LHFPL3: variants seen among roughly 807,000 people sequenced by gnomAD.
The protein encoded by LHFPL3 is LHFPL tetraspan subfamily member 3 protein.
A neutral mutation model predicts 19.3 loss-of-function variants in LHFPL3; 5 were observed. That is an observed-to-expected ratio of 0.26 (90% CI 0.14 to 0.54). The LOEUF (loss-of-function observed/expected upper bound fraction) is 0.54, where lower values mean the gene tolerates loss of function less well. Among genes scored for constraint, LHFPL3 ranks in the 20% least tolerant of loss-of-function variants. The pLI is 0.94. For synonymous variants in LHFPL3, 133 were observed against 126.2 expected, an observed-to-expected ratio of 1.05 and a Z score of -0.36; for missense variants, 249 against 307.4, an observed-to-expected ratio of 0.81 and a Z score of 1.42.
intron 1 of LHFPL3, among the ~76,000 whole-genome samples, chr7:104,520,901 C>T (rs1269894273): frequency 6.7e-6 from 1 of 150,182 alleles, no homozygotes; most frequent in Admixed American, 6.7e-5. Flanking sequence ...AAAACTAGCT[C>T]CTGGATTCAT....
chr7:104,536,474 G>A (rs1446096608), intron 1 of LHFPL3, among the ~76,000 whole-genome samples: 3 of 152,082 alleles, frequency 2.0e-5, no homozygotes, highest in Non-Finnish European at 2.9e-5. Flanking sequence ...TTTCCCCCAC[G>A]TATGATTTTC....
At chr7:104,441,271 T>C (rs1466149830) in intron 1 of LHFPL3, among the ~76,000 whole-genome samples, 1 of 152,146 alleles carries the variant, frequency 6.6e-6, no homozygotes, top group African/African-American at 2.4e-5. Flanking sequence ...ACATGCCTCA[T>C]ATAAGTGAAA....
intron 1 of LHFPL3, among the ~76,000 whole-genome samples, chr7:104,500,457 A>G (rs1188679326): frequency 6.6e-6 from 1 of 152,248 alleles, no homozygotes; most frequent in East Asian, 1.9e-4. Context: ...AGTGAATTCA[A>G]TGATAAATAG....
chr7:104,700,610 T>A (rs2116172236), intron 1 of LHFPL3, among the ~76,000 whole-genome samples: 1 of 152,324 alleles, frequency 6.6e-6, no homozygotes, highest in Admixed American at 6.5e-5. Flanking sequence ...GCAAATAGGC[T>A]TTTGTGTTGG....
intron 1 of LHFPL3, among the ~76,000 whole-genome samples, chr7:104,351,881 A>T (rs1045578985): frequency 1.3e-5 from 2 of 152,078 alleles, no homozygotes; most frequent in African/African-American, 4.8e-5. Context: ...ATCGAAGCCC[A>T]TCCCTGTTTT....
chr7:104,746,763 T>G (rs770826136), intron 2 of LHFPL3, among the ~76,000 whole-genome samples: 2 of 152,212 alleles, frequency 1.3e-5, no homozygotes, highest in African/African-American at 2.4e-5. Flanking sequence ...TAAAAAGAGA[T>G]AATGCATGTA....
chr7:104,837,598 G>C (rs1044324723), intron 2 of LHFPL3, among the ~76,000 whole-genome samples: 20 of 152,164 alleles, frequency 1.3e-4, no homozygotes, highest in Non-Finnish European at 2.9e-4. Context: ...AGGACACACA[G>C]CTAGAAAGCA....
chr7:104,854,725 G>GA (rs932966767), intron 2 of LHFPL3, among the ~76,000 whole-genome samples: 1 of 151,940 alleles, frequency 6.6e-6, no homozygotes, highest in Non-Finnish European at 1.5e-5. Context: ...GCTTCAGTAT[G>GA]AAAAAAAGGG....
At chr7:104,413,497 T>C (rs1001775515) in intron 1 of LHFPL3, among the ~76,000 whole-genome samples, 1 of 152,214 alleles carries the variant, frequency 6.6e-6, no homozygotes, top group African/African-American at 2.4e-5. Flanking sequence ...TATGGAGAGA[T>C]GCTATTATTA....
intron 2 of LHFPL3, among the ~76,000 whole-genome samples, chr7:104,864,270 G>A (rs1353542992): frequency 3.3e-5 from 5 of 152,160 alleles, no homozygotes; most frequent in Non-Finnish European, 7.4e-5. Flanking sequence ...GTGGGTGCAG[G>A]ACAGTGGGTG....
intron 1 of LHFPL3, among the ~76,000 whole-genome samples, chr7:104,590,005 A>C (rs1337495606): frequency 1.3e-5 from 2 of 151,502 alleles, no homozygotes; most frequent in Non-Finnish European, 2.9e-5. Flanking sequence ...TCTCTCTTTT[A>C]TTCTTTAGTA....
At chr7:104,632,858 T>C (rs771766977) in intron 1 of LHFPL3, among the ~76,000 whole-genome samples, 8 of 152,212 alleles carry the variant, frequency 5.3e-5, no homozygotes, top group Non-Finnish European at 7.3e-5. Flanking sequence ...TTTTGCTATA[T>C]TGCCCAGGCT....
At chr7:104,430,454 ATTTTTTTTTTTTT>A (rs1172420054) in intron 1 of LHFPL3, among the ~76,000 whole-genome samples, 19 of 15,272 alleles carry the variant, frequency 1.2e-3, no homozygotes, top group East Asian at 2.9e-3. Context: ...ATATATATAT[ATTTTTTTTTTTTT>A]TTTTTTTTTT....
chr7:104,516,342 G>A lies in LHFPL3; in HGVS notation c.445+187118G>A, dbSNP rs111866649. On this transcript the variant is annotated intron_variant, in intron 1 of 2. Transcript: ENST00000424859. ...TCCCACTGGATCCCTCTCACAACAC[G>A]TGGGGATTATGGGAAGTACAATTCA... Among the ~76,000 whole-genome samples, 1,400 of 152,174 alleles carry A rather than the reference G, an allele frequency of 9.2e-3. 17 individuals carry two copies. Among genetic ancestry groups the A allele is most frequent in the African/African-American group, 0.032 (1,348 of 41,524 alleles).
chr7:104,861,790 C>G (rs1254221684), intron 2 of LHFPL3, among the ~76,000 whole-genome samples: 1 of 147,446 alleles, frequency 6.8e-6, no homozygotes, highest in Non-Finnish European at 1.5e-5. Context: ...GGGAGAGATG[C>G]CTTCCCTTTT....
chr7:104,723,336 C>G (rs1423853707), intron 1 of LHFPL3, among the ~76,000 whole-genome samples: 1 of 152,148 alleles, frequency 6.6e-6, no homozygotes, highest in African/African-American at 2.4e-5. Context: ...TTGTTGTTTA[C>G]TCTGTGTCAG....
At chr7:104,446,461 C>T (rs144287027) in intron 1 of LHFPL3, among the ~76,000 whole-genome samples, 1 of 152,258 alleles carries the variant, frequency 6.6e-6, no homozygotes, top group Non-Finnish European at 1.5e-5. Flanking sequence ...TCTAAGACAC[C>T]AGTGTATATG....
At chr7:104,372,340 G>A (rs1790632236) in intron 1 of LHFPL3, among the ~76,000 whole-genome samples, 1 of 152,188 alleles carries the variant, frequency 6.6e-6, no homozygotes, top group African/African-American at 2.4e-5. Context: ...AAGTTGATTT[G>A]GGACCAACAG....
At chr7:104,475,216 C>T (rs1792987617) in intron 1 of LHFPL3, among the ~76,000 whole-genome samples, 1 of 152,038 alleles carries the variant, frequency 6.6e-6, no homozygotes, top group African/African-American at 2.4e-5. Context: ...ATCCTCTGAT[C>T]AATAGGCATT....
Sources: allele counts gnomAD v4.1 joint callset (sites outside exome capture counted in the v4.1 genomes callset), GRCh38; gene constraint gnomAD v4.1.1; transcripts MANE v1.5; gene names NCBI Gene and HGNC (gene_info 2026-07-23, HGNC 2026-07-21).